The following FAM227B variants were observed in gnomAD, a reference collection of about 807,000 sequenced individuals.
The protein encoded by FAM227B is family with sequence similarity 227 member B.
In FAM227B, 88 loss-of-function variants were observed where a neutral mutation model predicts 73.8. That is an observed-to-expected ratio of 1.19 (90% CI 1.00 to 1.42). The LOEUF (loss-of-function observed/expected upper bound fraction) is 1.42, where lower values mean the gene tolerates loss of function less well. FAM227B is among the 40% of genes most tolerant of loss of function. The probability of loss-of-function intolerance (pLI) is 0.00; values close to 1 mark genes in which losing one functional copy is unlikely to be tolerated. For synonymous variants in FAM227B, 210 were observed against 190.5 expected (o/e 1.10, Z -0.84); for missense variants, 632 against 590.9 (o/e 1.07, Z -0.72).
intron 12 of FAM227B, among the ~76,000 whole-genome samples, chr15:49,368,932 A>T (rs529019231): frequency 6.6e-6 from 1 of 152,254 alleles, no homozygotes; most frequent in East Asian, 1.9e-4. Flanking sequence ...TATTAAATGC[A>T]ATCCCGTGGT....
chr15:49,353,945 T>A (rs2042644201), intron 13 of FAM227B: 1 of 152,186 alleles, frequency 6.6e-6, no homozygotes, highest in Non-Finnish European at 1.5e-5. Flanking sequence ...CACATATTGG[T>A]TAATGGGAAA....
chr15:49,353,744 T>C (rs1336702801), intron 13 of FAM227B: 2 of 152,008 alleles, frequency 1.3e-5, no homozygotes, highest in East Asian at 1.9e-4. Context: ...CTTGTATATA[T>C]TGGAAAAATA....
chr15:49,584,960 T>C (rs961572668), intron 5 of FAM227B, among the ~76,000 whole-genome samples: 1 of 151,952 alleles, frequency 6.6e-6, no homozygotes, highest in African/African-American at 2.4e-5. Context: ...AGGGCTAATA[T>C]CCAGAATCTA....
intron 2 of FAM227B, among the ~76,000 whole-genome samples, chr15:49,614,557 T>C (rs2078164438): frequency 6.6e-6 from 1 of 152,228 alleles, no homozygotes; most frequent in South Asian, 2.1e-4. Flanking sequence ...ATAGAACTAA[T>C]GTTTATGGTT....
intron 11 of FAM227B, among the ~76,000 whole-genome samples, chr15:49,417,367 ACT>A (rs938784818): frequency 2.0e-5 from 3 of 151,744 alleles, no homozygotes; most frequent in African/African-American, 7.3e-5. Context: ...AGTCTGGGTG[ACT>A]CTCTTAAAAA....
Position 49,372,104 on chromosome 15 carries a change from TA to T in FAM227B, c.1013-706del, listed in dbSNP as rs2045874830. ...AAAATTCATTTATAAATAAATGAAA[TA>T]AAATTCATTTATAAATAAATGAAAT... On this transcript the variant is annotated intron_variant, in intron 11 of 15. Transcript: ENST00000299338. Among the ~76,000 whole-genome samples the T allele has an allele frequency of 2.2e-5, 2 of 91,442 alleles. 1 individual carries two copies. Among genetic ancestry groups the T allele is most frequent in the Non-Finnish European group, 4.7e-5 (2 of 42,870 alleles). 60.0% of individuals were successfully genotyped at this position (91,442 alleles called of 152,430 possible). A position where few individuals can be genotyped will look rare whatever the true frequency, so the allele number is the denominator to read the frequency against.
chr15:49,518,627 C>T (rs1406840650), intron 10 of FAM227B, among the ~76,000 whole-genome samples: 1 of 152,080 alleles, frequency 6.6e-6, no homozygotes, highest in Non-Finnish European at 1.5e-5. Context: ...CTTTATAAAA[C>T]CTTCAGATCT....
chr15:49,423,250 ACAC>A (rs1178919819), intron 11 of FAM227B: 3 of 152,454 alleles, frequency 2.0e-5, no homozygotes, highest in Non-Finnish European at 2.9e-5. Flanking sequence ...TCACACACAC[ACAC>A]AAGCACACAC....
chr15:49,466,570 C>T (rs774038556), intron 11 of FAM227B, among the ~76,000 whole-genome samples: 2 of 151,922 alleles, frequency 1.3e-5, no homozygotes, highest in Admixed American at 6.6e-5. Flanking sequence ...AGAAGAGTAA[C>T]CTTTATAACA....
At chr15:49,344,444 G>C (rs1374280765) in intron 13 of FAM227B, among the ~76,000 whole-genome samples, 1 of 152,146 alleles carries the variant, frequency 6.6e-6, no homozygotes, top group Non-Finnish European at 1.5e-5. Context: ...TGGTAATATA[G>C]CATGGTACTA....
chr15:49,401,599 G>C (rs200242759), intron 11 of FAM227B, among the ~76,000 whole-genome samples: 15,608 of 109,822 alleles, frequency 0.14, 1,018 homozygotes, highest in Non-Finnish European at 0.21. Context: ...TTGGAACCAA[G>C]CCAAATGTCC....
intron 11 of FAM227B, chr15:49,396,018 T>G (rs1325288222): frequency 2.2e-6 from 1 of 455,296 alleles, no homozygotes; most frequent in Non-Finnish European, 4.4e-6. Flanking sequence ...TAGGAACAGC[T>G]CCGGTCTACA....
intron 11 of FAM227B, among the ~76,000 whole-genome samples, chr15:49,500,103 A>T (rs1305842043): frequency 6.6e-6 from 1 of 152,262 alleles, no homozygotes; most frequent in Non-Finnish European, 1.5e-5. Context: ...TATCTGAAAA[A>T]GGACCTGTTT....
chr15:49,589,673 G>A (rs531869705), intron 4 of FAM227B, 103 bp downstream of exon 4: 1 of 716,010 alleles, frequency 1.4e-6, no homozygotes, highest in Admixed American at 2.8e-5. Flanking sequence ...AACACTTTTG[G>A]AGGGTGACTC....
intron 14 of FAM227B, 103 bp from the exon 15 acceptor site, chr15:49,331,952 G>A (rs1182299663): frequency 9.6e-6 from 7 of 726,046 alleles, no homozygotes; most frequent in Admixed American, 2.1e-5. Context: ...CTGGGCATTC[G>A]TCAAGCACTT....
chr15:49,353,460 G>C (rs1322525061), intron 13 of FAM227B: 1 of 152,044 alleles, frequency 6.6e-6, no homozygotes, highest in Non-Finnish European at 1.5e-5. Flanking sequence ...GTTGCCACAG[G>C]ATTTTTAGGC....
At position 49,328,694 on chromosome 15, in the gene FAM227B, A is replaced by T; in HGVS notation, c.1420-19T>A. On this transcript the variant is annotated intron_variant, in intron 15 of 15. Coordinates refer to ENST00000299338, the MANE Select transcript of FAM227B (RefSeq NM_152647.3). ...CGGAACGCTATGAAAATAATACATG[A>T]TTAAAGTTTCACAGATCTTCTTGGA... The T allele has an allele frequency of 6.5e-7, 1 of 1,549,816 alleles. No homozygotes were observed. The highest frequency in any genetic ancestry group is 8.7e-7 in the Non-Finnish European group (1 of 1,145,680).
intron 10 of FAM227B, among the ~76,000 whole-genome samples, chr15:49,515,093 G>A (rs2059288197): frequency 6.6e-6 from 1 of 151,932 alleles, no homozygotes; most frequent in East Asian, 1.9e-4. Flanking sequence ...CTCCTTTAGG[G>A]ATTCCAATTA....
At chr15:49,372,876 T>C (rs2045936424) in intron 11 of FAM227B, among the ~76,000 whole-genome samples, 1 of 152,064 alleles carries the variant, frequency 6.6e-6, no homozygotes, top group Non-Finnish European at 1.5e-5. Flanking sequence ...TTAGGAAATA[T>C]TAGGCATTAG....
Sources: gnomAD v4.1 joint callset for allele counts (sites outside exome capture counted in the v4.1 genomes callset) on GRCh38, gnomAD v4.1.1 for gene constraint, MANE v1.5 for transcripts, NCBI Gene and HGNC (gene_info 2026-07-23, HGNC 2026-07-21) for gene names.